Variants in RABGEF1 observed in about 807,000 individuals in gnomAD.
RABGEF1 encodes the protein rab5 GDP/GTP exchange factor.
RABGEF1 carries 26 observed loss-of-function variants against 57.3 expected under a neutral mutation model. That is an observed-to-expected ratio of 0.45 (90% confidence interval 0.33 to 0.63). RABGEF1 has a LOEUF of 0.63. Ranked by LOEUF, RABGEF1 falls within the 20% of genes least tolerant of loss-of-function variation. The pLI, the probability that RABGEF1 is intolerant of heterozygous loss-of-function variation, is 0.02. For missense variants in RABGEF1, 464 were observed against 607.6 expected, an observed-to-expected ratio of 0.76 and a Z score of 2.48; for synonymous variants, 185 against 210.7, an observed-to-expected ratio of 0.88 and a Z score of 1.06.
chr7:66,749,652 C>T (rs1209946921), intron 1 of RABGEF1, among the ~76,000 whole-genome samples: 1 of 151,972 alleles, frequency 6.6e-6, no homozygotes, highest in Non-Finnish European at 1.5e-5. Context: ...CTAGCCTGGG[C>T]AACAAAGCAA....
chr7:66,686,759 T>G (rs1350360327), intron 1 of RABGEF1, among the ~76,000 whole-genome samples: 2 of 152,158 alleles, frequency 1.3e-5, no homozygotes, highest in African/African-American at 2.4e-5. Context: ...ATTCCTGTTT[T>G]CAATGAAGTG....
At chr7:66,761,195 G>A (rs1337169256) in intron 1 of RABGEF1, among the ~76,000 whole-genome samples, 3 of 152,102 alleles carry the variant, frequency 2.0e-5, no homozygotes, top group Non-Finnish European at 4.4e-5. Context: ...CACACCAGCT[G>A]GGTGTCTTCT....
At chr7:66,760,820 A>T (rs1023723189) in intron 1 of RABGEF1, among the ~76,000 whole-genome samples, 1 of 151,882 alleles carries the variant, frequency 6.6e-6, no homozygotes, top group Non-Finnish European at 1.5e-5. Context: ...ATAGAGACAG[A>T]GTCTTGCTGT....
intron 2 of RABGEF1, among the ~76,000 whole-genome samples, chr7:66,773,182 G>T (rs1462488190): frequency 6.6e-6 from 1 of 151,290 alleles, no homozygotes; most frequent in African/African-American, 2.4e-5. Flanking sequence ...ATTGCTTTCA[G>T]TGACTGTGTT....
At chr7:66,700,636 AG>A (rs1366866718) in intron 1 of RABGEF1, among the ~76,000 whole-genome samples, 1 of 152,180 alleles carries the variant, frequency 6.6e-6, no homozygotes, top group African/African-American at 2.4e-5. Flanking sequence ...CGTGCGTAGC[AG>A]GGGGCCCAGG....
In RABGEF1 at chr7:66,797,255, G is replaced by A; in HGVS notation, c.596-119G>A. 3.7e-6 allele frequency: 4 copies of A among 1,078,540 alleles called. No homozygotes were observed. The South Asian group carries it at 6.4e-5, about 17-fold the overall frequency. 66.8% of individuals were successfully genotyped at this position (1,078,540 alleles called of 1,614,324 possible). A position where few individuals can be genotyped will look rare whatever the true frequency, so the allele number is the denominator to read the frequency against. On this transcript the variant is annotated intron_variant, in intron 5 of 8. Transcript: ENST00000284957. ...GGAGGTGGAGGTTTCAGTGAGCCAA[G>A]GTCATGCTGCTGCACTCCAACCTGG...
chr7:66,777,429 G>A (rs77645340), intron 3 of RABGEF1, among the ~76,000 whole-genome samples: 31,385 of 151,382 alleles, frequency 0.21, 3,809 homozygotes, highest in East Asian at 0.31. Context: ...TACTTCAGAA[G>A]CCCAGGTTAT....
At chr7:66,783,116 A>G (rs1448840336) in intron 3 of RABGEF1, among the ~76,000 whole-genome samples, 4 of 152,208 alleles carry the variant, frequency 2.6e-5, no homozygotes, top group Non-Finnish European at 4.4e-5. Flanking sequence ...TTATCATGCT[A>G]TTAATACTTT....
chr7:66,768,939 G>A (rs1351353015), intron 1 of RABGEF1: 2 of 152,296 alleles, frequency 1.3e-5, no homozygotes, highest in Non-Finnish European at 2.9e-5. Context: ...CTGCCTCAGA[G>A]TTTGGCTCCT....
chr7:66,703,969 A>G (rs183174060), intron 1 of RABGEF1, among the ~76,000 whole-genome samples: 86 of 152,280 alleles, frequency 5.6e-4, no homozygotes, highest in Admixed American at 5.3e-3. Context: ...ATCTCTTTCA[A>G]CAATGTTGTG....
chr7:66,721,030 G>C (rs1795995021), intron 2 of RABGEF1, among the ~76,000 whole-genome samples: 1 of 152,054 alleles, frequency 6.6e-6, no homozygotes, highest in African/African-American at 2.4e-5. Context: ...TGATTCTCCT[G>C]CCTGAAACCT....
chr7:66,660,965 C>CTGG, the RABGEF1 span, among the ~76,000 whole-genome samples: 2 of 152,226 alleles, frequency 1.3e-5, no homozygotes, highest in Admixed American at 1.3e-4. Context: ...GTGGCTCATG[C>CTGG]TGGTAATCCC....
intron 1 of RABGEF1, among the ~76,000 whole-genome samples, chr7:66,755,666 A>T: frequency 6.6e-6 from 1 of 152,190 alleles, no homozygotes; most frequent in East Asian, 1.9e-4. Context: ...AAAGTAGGCT[A>T]CGGTAGCCAG....
intron 4 of RABGEF1, among the ~76,000 whole-genome samples, chr7:66,789,314 G>A (rs1430202771): frequency 1.3e-5 from 2 of 152,172 alleles, no homozygotes; most frequent in African/African-American, 4.8e-5. Context: ...GAAGCACTGA[G>A]GATGAGAAGT....
intron 4 of RABGEF1, among the ~76,000 whole-genome samples, chr7:66,788,529 A>G (rs1384091998): frequency 2.6e-5 from 4 of 152,172 alleles, no homozygotes; most frequent in Non-Finnish European, 5.9e-5. Flanking sequence ...TTTAATTTGT[A>G]TTAGTCCCTT....
intron 6 of RABGEF1, among the ~76,000 whole-genome samples, chr7:66,798,663 C>T (rs1786595190): frequency 6.6e-6 from 1 of 152,126 alleles, no homozygotes; most frequent in African/African-American, 2.4e-5. Flanking sequence ...TCCAGTGTGC[C>T]TCAGAAGTTG....
At chr7:66,743,045 C>T (rs1419294236) in intron 1 of RABGEF1, among the ~76,000 whole-genome samples, 1 of 152,158 alleles carries the variant, frequency 6.6e-6, no homozygotes, top group Non-Finnish European at 1.5e-5. Flanking sequence ...CGCGGTGGCT[C>T]ACGCCTGTAA....
At chr7:66,754,524 A>G (rs989311873) in intron 1 of RABGEF1, among the ~76,000 whole-genome samples, 1 of 152,016 alleles carries the variant, frequency 6.6e-6, no homozygotes, top group African/African-American at 2.4e-5. Flanking sequence ...TGGGCAGATC[A>G]CGTGAGCCCA....
chr7:66,746,542 G>C (rs1349834725), intron 1 of RABGEF1, among the ~76,000 whole-genome samples: 1 of 151,512 alleles, frequency 6.6e-6, no homozygotes, highest in African/African-American at 2.4e-5. Flanking sequence ...ACCCGCCTCG[G>C]CCTCCCAAAG....
Sources: gnomAD v4.1 joint callset for allele counts (sites outside exome capture counted in the v4.1 genomes callset) on GRCh38, gnomAD v4.1.1 for gene constraint, MANE v1.5 for transcripts, NCBI Gene and HGNC (gene_info 2026-07-23, HGNC 2026-07-21) for gene names.